Variants in THTPA observed in about 807,000 individuals in gnomAD.
The protein encoded by THTPA is thiamine triphosphatase.
Under a neutral mutation model 16.5 loss-of-function variants are expected in THTPA, and 16 were observed. The ratio of observed to expected loss-of-function variants is 0.97; its 90% CI spans 0.66 to 1.47. The LOEUF (loss-of-function observed/expected upper bound fraction) is 1.47, where lower values mean the gene tolerates loss of function less well. Ranked by LOEUF, THTPA falls within the 40% of genes most tolerant of loss-of-function variation. The pLI is 0.00. For synonymous variants in THTPA, 110 were observed against 115.5 expected, an observed-to-expected ratio of 0.95 and a Z score of 0.30; for missense variants, 281 against 280.9, an observed-to-expected ratio of 1.00 and a Z score of 0.00.
the THTPA span, chr14:23,527,862 A>C: frequency 6.8e-7 from 1 of 1,475,970 alleles, no homozygotes; most frequent in Admixed American, 2.0e-5. Flanking sequence ...ACCCACCATC[A>C]CATAGTCCTT....
the THTPA span, among the ~76,000 whole-genome samples, chr14:23,549,053 C>T: frequency 1.3e-5 from 2 of 152,098 alleles, no homozygotes; most frequent in South Asian, 2.1e-4. Flanking sequence ...TCTTGTTCAG[C>T]AATTCCTCCC....
the THTPA span, among the ~76,000 whole-genome samples, chr14:23,514,743 G>A: frequency 2.4e-4 from 37 of 152,288 alleles, no homozygotes; most frequent in African/African-American, 8.7e-4. Flanking sequence ...ACATGCTCAT[G>A]ATGCCACTTG....
At chr14:23,530,761 A>T in the THTPA span, 1 of 273,066 alleles carries the variant, frequency 3.7e-6, no homozygotes, top group South Asian at 3.5e-5. Context: ...CCGGCACTTA[A>T]CTCCAGCCAG....
rs367966553 is a variant in THTPA, at chr14:23,557,008, C to T, written c.251C>T (p.Ala84Val). Residue 84 changes from alanine (A) to valine (V), a missense_variant, in exon 1 of 2, where the codon GCG becomes GTG. Physicochemically the swap from Ala to Val is moderately conservative, Grantham distance 64 (BLOSUM62 0). Transcript: ENST00000288014. ...CACACGGAGTATAAGGAACTCACAG[C>T]GGAACCTACAATTGTGGCCCAACTC... ...GPHTEYKELTAEPTIVAQLCK... is the reference protein window; with the variant it reads ...GPHTEYKELTVEPTIVAQLCK... 8.7e-6 allele frequency: 14 copies of T among 1,614,072 alleles called. No homozygotes were observed. The highest frequency in any genetic ancestry group is 6.7e-5 in the African/African-American group (5 of 74,918).
At chr14:23,523,773 T>C in the THTPA span, 1 of 1,536,110 alleles carries the variant, frequency 6.5e-7, no homozygotes, top group Admixed American at 2.0e-5. This position sits in a 1 kb window ranked among gnomAD's most constrained non-coding sequence, Gnocchi z 4.1. Context: ...GGAACCCCAG[T>C]CCCACCTCCA....
In THTPA at chr14:23,558,736, T is replaced by C. The variant is rs773403220; in HGVS notation, c.589T>C (p.Tyr197His). 1.1e-5 allele frequency: 17 copies of C among 1,614,226 alleles called. No homozygotes were observed. The South Asian group carries it at 1.8e-4, about 17-fold the overall frequency. Reference sequence around the variant, plus strand: ...GACAGCACCAGCCAAGCTGATTGTGTATCTACAGCGTTTCCGGCCTCAAGA... The same window carrying C: ...GACAGCACCAGCCAAGCTGATTGTGCATCTACAGCGTTTCCGGCCTCAAGA... ...QETAPAKLIV[Y>H]LQRFRPQDYQ... The change falls in exon 2 of 2, where the codon TAT (tyrosine) becomes CAT (histidine). Residue 197 changes from tyrosine to histidine, a missense_variant. Transcript: ENST00000288014.
the THTPA span, chr14:23,530,046 C>T: frequency 3.7e-6 from 5 of 1,365,774 alleles, no homozygotes; most frequent in Middle Eastern, 3.5e-4. Context: ...CATTGCTGGG[C>T]TCCTGGATTA....
At chr14:23,532,347 G>T in the THTPA span, 2 of 528,702 alleles carry the variant, frequency 3.8e-6, no homozygotes, top group Non-Finnish European at 3.0e-6. Context: ...CAGAAGAGCT[G>T]AATAAAGTCT....
At chr14:23,526,006 G>T in the THTPA span, 1 of 1,533,054 alleles carries the variant, frequency 6.5e-7, no homozygotes, top group Non-Finnish European at 8.7e-7. Flanking sequence ...AGCCACTGGT[G>T]TCAGGGCCCT....
At chr14:23,522,077 G>A in the THTPA span, 1 of 1,536,308 alleles carries the variant, frequency 6.5e-7, no homozygotes, top group South Asian at 1.2e-5. Context: ...GGCGGCGTTG[G>A]TGATGGAGAT....
chr14:23,521,927 G>C, the THTPA span: 13 of 1,534,982 alleles, frequency 8.5e-6, no homozygotes, highest in South Asian at 1.6e-4. Flanking sequence ...AGGGAGCCCT[G>C]AGGCCCTCCC....
chr14:23,532,741 C>A, the THTPA span: 2 of 1,536,054 alleles, frequency 1.3e-6, no homozygotes, highest in South Asian at 1.2e-5. Flanking sequence ...TGGCTCCACC[C>A]CCCTCCCGCA....
rs1270091444 is a variant in THTPA at position 23,556,507 on chromosome 14, T to G, written c.-251T>G. 1 of 534,636 alleles carries G rather than the reference T, an allele frequency of 1.9e-6. No individual in the cohort carries two copies. Among genetic ancestry groups the G allele is most frequent in the African/African-American group, 1.9e-5 (1 of 52,758 alleles). 33.1% of individuals were successfully genotyped at this position (534,636 alleles called of 1,614,324 possible). ...TAGGGGTCTCTTTGGATTGAGGACA[T>G]CAGCAGCAGTGGAAGGGATTTTACT... On this transcript the variant is annotated 5_prime_UTR_variant, in exon 1 of 2. Coordinates refer to ENST00000288014, the MANE Select transcript of THTPA (RefSeq NM_024328.6).
the THTPA span, chr14:23,533,501 G>A: frequency 1.6e-5 from 25 of 1,535,970 alleles, no homozygotes; most frequent in African/African-American, 2.9e-4. This position sits in a 1 kb window ranked among gnomAD's most constrained non-coding sequence, Gnocchi z 4.8. Flanking sequence ...AATCCAGGTG[G>A]CAGGCCCAGC....
At chr14:23,527,117 A>C in the THTPA span, 1 of 1,274,522 alleles carries the variant, frequency 7.8e-7, no homozygotes, top group Non-Finnish European at 1.0e-6. Context: ...CTCCCACCTA[A>C]TTGCTGCTTT....
the THTPA span, chr14:23,532,135 C>G: frequency 5.8e-6 from 1 of 173,848 alleles, no homozygotes; most frequent in African/African-American, 2.4e-5. Context: ...CCTCCCCACC[C>G]CTCGCTTCCT....
At chr14:23,552,205 C>A (rs1209497495), upstream of THTPA, among the ~76,000 whole-genome samples, 4 of 152,034 alleles carry the variant, frequency 2.6e-5, no homozygotes, top group Non-Finnish European at 4.4e-5. Flanking sequence ...CTCCTCCACA[C>A]GGTTACATAG....
chr14:23,519,130 G>C, the THTPA span, among the ~76,000 whole-genome samples: 2 of 151,926 alleles, frequency 1.3e-5, no homozygotes, highest in African/African-American at 4.8e-5. Flanking sequence ...AGGGTGTTAG[G>C]TGTAAAAGAA....
At chr14:23,552,224 G>A (rs1264445983), upstream of THTPA, among the ~76,000 whole-genome samples, 1 of 151,780 alleles carries the variant, frequency 6.6e-6, no homozygotes, top group African/African-American at 2.4e-5. Flanking sequence ...AGTCCCCTGA[G>A]CTGGGTTGGG....
Sources: allele counts gnomAD v4.1 joint callset (sites outside exome capture counted in the v4.1 genomes callset), GRCh38; gene constraint gnomAD v4.1.1; non-coding constraint Gnocchi (gnomAD v3.1); transcripts MANE v1.5; gene names NCBI Gene and HGNC (gene_info 2026-07-23, HGNC 2026-07-21).